ZNF652: variants seen among roughly 807,000 people sequenced by gnomAD.
The protein encoded by ZNF652 is zinc finger protein 652.
A neutral mutation model predicts 45.2 loss-of-function variants in ZNF652; 16 were observed. The observed-to-expected ratio is 0.35, with a 90% confidence interval of 0.24 to 0.54. The LOEUF (loss-of-function observed/expected upper bound fraction) is 0.54, where lower values mean the gene tolerates loss of function less well. ZNF652 is among the 20% of genes least tolerant of loss of function. ZNF652 has a pLI of 0.91. For missense variants in ZNF652, 614 were observed against 765.6 expected, an observed-to-expected ratio of 0.80 and a Z score of 2.34; for synonymous variants, 250 against 260.6, an observed-to-expected ratio of 0.96 and a Z score of 0.39.
intron 1 of ZNF652, among the ~76,000 whole-genome samples, chr17:49,350,043 A>C (rs961054294): frequency 6.6e-6 from 1 of 152,192 alleles, no homozygotes; most frequent in African/African-American, 2.4e-5. Flanking sequence ...CAAATAGAAA[A>C]AGGATATTAG....
chr17:49,304,687 AT>A (rs1350423954), intron 5 of ZNF652, among the ~76,000 whole-genome samples: 1 of 152,124 alleles, frequency 6.6e-6, no homozygotes, highest in Non-Finnish European at 1.5e-5. Context: ...AGCTAACCTA[AT>A]TGTACAGCAA....
At chr17:49,329,713 T>C (rs1004434461) in intron 1 of ZNF652, among the ~76,000 whole-genome samples, 1 of 152,250 alleles carries the variant, frequency 6.6e-6, no homozygotes, top group Non-Finnish European at 1.5e-5. Flanking sequence ...AATTTCATTG[T>C]AGTTTTTTAC....
intron 1 of ZNF652, among the ~76,000 whole-genome samples, chr17:49,345,580 G>A (rs1306925178): frequency 6.6e-6 from 1 of 150,660 alleles, no homozygotes; most frequent in South Asian, 2.1e-4. Context: ...GGTGGCTCAC[G>A]CCTGTAATCC....
At chr17:49,313,147 A>G (rs1297768530) in intron 2 of ZNF652, among the ~76,000 whole-genome samples, 1 of 152,148 alleles carries the variant, frequency 6.6e-6, no homozygotes, top group Non-Finnish European at 1.5e-5. Flanking sequence ...ACCTATGAAA[A>G]GAAACTTCAA....
In ZNF652 at chr17:49,298,008, A is replaced by G. The variant is rs770911498; in HGVS notation, c.*405T>C. 3 of 190,760 alleles carry G rather than the reference A, an allele frequency of 1.6e-5. No homozygotes were observed. In the Admixed American group the frequency reaches 1.6e-4, roughly 10 times the overall value. 11.8% of individuals were successfully genotyped at this position (190,760 alleles called of 1,614,324 possible). A position where few individuals can be genotyped will look rare whatever the true frequency, so the allele number is the denominator to read the frequency against. ...CTTACCATACACAGTGATACAATTAATGCTCTGGATTAATCTCACAGCCTT... is the reference window on the plus strand; with the variant it reads ...CTTACCATACACAGTGATACAATTAGTGCTCTGGATTAATCTCACAGCCTT... On this transcript the variant is annotated 3_prime_UTR_variant, in exon 6 of 6. Coordinates refer to ENST00000430262, the MANE Select transcript of ZNF652 (RefSeq NM_001145365.3).
chr17:49,293,341 C>G lies in ZNF652; in HGVS notation c.*5072G>C, dbSNP rs939723597. On this transcript the variant is annotated 3_prime_UTR_variant, in exon 6 of 6. Coordinates refer to ENST00000430262, the MANE Select transcript of ZNF652 (RefSeq NM_001145365.3). ...GCAAAAGCTTCAAAGCTGGAACAAC[C>G]AAGGAGTTTGATTTTCCTTTGAATC... Among the ~76,000 whole-genome samples, 2 of 152,094 alleles carry G rather than the reference C, an allele frequency of 1.3e-5. No individual in the cohort carries two copies. Among genetic ancestry groups the G allele is most frequent in the African/African-American group, 2.4e-5 (1 of 41,432 alleles).
At position 49,298,726 on chromosome 17, in the gene ZNF652, G is replaced by T. The variant is rs1299793501; in HGVS notation, c.1508C>A (p.Ala503Asp). ...GGAAGTTGTAAGTGGGATCTGGACA[G>T]CAGGTGGCACATTCACGGGGCTGGT... is the stretch of plus-strand genomic sequence containing the variant. ...RVTSPVNVPP[A>D]VQIPLTTSPA... is the part of the protein sequence containing the mutation. Residue 503 changes from alanine (A) to aspartate (D), a missense_variant, in exon 6 of 6, where the codon GCT becomes GAT. By Grantham distance (126) the Ala-to-Asp change is moderately radical. Coordinates refer to ENST00000430262, the MANE Select transcript of ZNF652 (RefSeq NM_001145365.3). 1 of 1,614,000 alleles carries T rather than the reference G, an allele frequency of 6.2e-7. No individual in the cohort carries two copies. Among genetic ancestry groups the T allele is most frequent in the Non-Finnish European group, 8.5e-7 (1 of 1,180,038 alleles).
intron 1 of ZNF652, among the ~76,000 whole-genome samples, chr17:49,337,925 A>G (rs1029473800): frequency 6.6e-6 from 1 of 152,172 alleles, no homozygotes; most frequent in Non-Finnish European, 1.5e-5. Context: ...TCACCTTCAC[A>G]AGCTTAAAAT....
chr17:49,323,722 C>T (rs1156523101), intron 1 of ZNF652, among the ~76,000 whole-genome samples: 1 of 152,214 alleles, frequency 6.6e-6, no homozygotes, highest in Admixed American at 6.5e-5. Context: ...CCTTGTACAT[C>T]TCCATCAGAG....
Position 49,317,059 on chromosome 17 carries a change from T to C in ZNF652, c.667A>G (p.Lys223Glu), listed in dbSNP as rs2069816289. 3.7e-6 allele frequency: 6 copies of C among 1,614,134 alleles called. No individual in the cohort carries two copies. Among genetic ancestry groups the C allele is most frequent in the Non-Finnish European group, 5.1e-6 (6 of 1,180,020 alleles). The change falls in exon 2 of 6, where the codon AAG (lysine) becomes GAG (glutamate). Residue 223 changes from lysine to glutamate, a missense_variant. Physicochemically the swap from Lys to Glu is moderately conservative, Grantham distance 56. Around this residue, in one of 5 missense-constraint regions of ZNF652, gnomAD observed 262 missense variants for 306.3 expected, o/e 0.86. Coordinates refer to ENST00000430262, the MANE Select transcript of ZNF652 (RefSeq NM_001145365.3). The stretch of plus-strand genomic sequence containing the variant: ...TTGGGCTCCTTTGTGGCCCGCTTCT[T>C]ACGCTTAGGTGGCTCTACACTCTTC... Reference protein sequence around the residue: ...RRKSVEPPKRKKRATKEPKAP... With the variant: ...RRKSVEPPKREKRATKEPKAP...
At chr17:49,355,513 G>A (rs1181616723) in intron 1 of ZNF652, among the ~76,000 whole-genome samples, 1 of 152,114 alleles carries the variant, frequency 6.6e-6, no homozygotes, top group African/African-American at 2.4e-5. Flanking sequence ...GGAGGTGAAA[G>A]CTGCAGTGAG....
Position 49,295,285 on chromosome 17 carries a change from T to A in ZNF652, c.*3128A>T, listed in dbSNP as rs2069457264. ...GAGGAGTCATTATATTCTGAGTAGT[T>A]TTCCTGAAGACCACAAGTCTCAAGT... On this transcript the variant is annotated 3_prime_UTR_variant, in exon 6 of 6. Coordinates refer to ENST00000430262, the MANE Select transcript of ZNF652 (RefSeq NM_001145365.3). The A allele has an allele frequency of 6.6e-6, 1 of 151,876 alleles. No homozygotes were observed. The highest frequency in any genetic ancestry group is 2.1e-4 in the South Asian group (1 of 4,820). The allele number at this position is 151,876 out of a possible 1,614,324, so 9.4% of individuals were successfully genotyped here. A position where few individuals can be genotyped will look rare whatever the true frequency, so the allele number is the denominator to read the frequency against.
intron 5 of ZNF652, among the ~76,000 whole-genome samples, chr17:49,301,669 GGA>G (rs1412357535): frequency 1.3e-5 from 2 of 152,054 alleles, no homozygotes; most frequent in Admixed American, 1.3e-4. Flanking sequence ...TCATCTTTCT[GGA>G]TGAATTCTGA....
intron 3 of ZNF652, 140 bp downstream of exon 3, chr17:49,312,558 T>TC: frequency 1.2e-6 from 1 of 838,966 alleles, no homozygotes; most frequent in Non-Finnish European, 1.8e-6. Flanking sequence ...TGGTGATACT[T>TC]ACTGAAGACA....
intron 5 of ZNF652, among the ~76,000 whole-genome samples, chr17:49,304,277 G>A (rs1043068750): frequency 4.6e-5 from 7 of 151,964 alleles, no homozygotes; most frequent in African/African-American, 1.7e-4. Context: ...TACTACAAAT[G>A]CCTGGATTCA....
At chr17:49,289,123 A>G (rs1386197980), downstream of ZNF652, 2 of 152,200 alleles carry the variant, frequency 1.3e-5, no homozygotes, top group East Asian at 3.8e-4. Flanking sequence ...ATTTTTCTCA[A>G]AAAGGGCAAT....
chr17:49,324,264 C>A (rs183800108), intron 1 of ZNF652, among the ~76,000 whole-genome samples: 1 of 152,324 alleles, frequency 6.6e-6, no homozygotes, highest in East Asian at 1.9e-4. Flanking sequence ...ACTTCTCGGC[C>A]TTCAAAGAAG....
In ZNF652 at chr17:49,334,414, G is replaced by A. The variant is rs183856443; in HGVS notation, c.-258-16431C>T. On this transcript the variant is annotated intron_variant, in intron 1 of 5. Coordinates refer to ENST00000430262, the MANE Select transcript of ZNF652 (RefSeq NM_001145365.3). ...TGGGAATATTGCTTGAGCCTGGGAG[G>A]TTGAGGCTGCAGTGAGCCATGATCA... is the stretch of plus-strand genomic sequence containing the variant. Among the ~76,000 whole-genome samples, 339 of 152,198 alleles carry A rather than the reference G, an allele frequency of 2.2e-3. 1 individual carries two copies. Among genetic ancestry groups the A allele is most frequent in the African/African-American group, 7.6e-3 (317 of 41,530 alleles).
rs1445249172 is a variant in ZNF652 at position 49,292,282 on chromosome 17, C to A, written c.*6131G>T. Among the ~76,000 whole-genome samples, 4 of 152,008 alleles carry A rather than the reference C, an allele frequency of 2.6e-5. No individual in the cohort carries two copies. Among genetic ancestry groups the A allele is most frequent in the African/African-American group, 9.7e-5 (4 of 41,394 alleles). On this transcript the variant is annotated 3_prime_UTR_variant, in exon 6 of 6. Transcript: ENST00000430262. ...AGGGAGTAAAAAGACCTGTCCACAG[C>A]ACAAACTTCCACTCTGGCTGTGAAG...
Sources: allele counts gnomAD v4.1 joint callset (sites outside exome capture counted in the v4.1 genomes callset), GRCh38; gene constraint gnomAD v4.1.1; regional missense constraint gnomAD v4.1.1; transcripts MANE v1.5; gene names NCBI Gene and HGNC (gene_info 2026-07-23, HGNC 2026-07-21).